PALM2AKAP2: variants seen among roughly 807,000 people sequenced by gnomAD.
PALM2AKAP2 encodes the protein PALM2-AKAP2 fusion protein.
Under a neutral mutation model 71.5 loss-of-function variants are expected in PALM2AKAP2, and 37 were observed. The ratio of observed to expected loss-of-function variants is 0.52; its 90% CI spans 0.40 to 0.68. PALM2AKAP2 has a LOEUF of 0.68. Ranked by LOEUF, PALM2AKAP2 falls within the 30% of genes least tolerant of loss-of-function variation. The pLI, the probability that PALM2AKAP2 is intolerant of heterozygous loss-of-function variation, is 0.00. For missense variants in PALM2AKAP2, 1,224 were observed against 1,191.8 expected, an observed-to-expected ratio of 1.03 and a Z score of -0.40; for synonymous variants, 468 against 478.8, an observed-to-expected ratio of 0.98 and a Z score of 0.29.
chr9:109,787,348 C>G (rs1826998987), intron 1 of PALM2AKAP2, among the ~76,000 whole-genome samples: 1 of 152,192 alleles, frequency 6.6e-6, no homozygotes, highest in African/African-American at 2.4e-5. Flanking sequence ...CAAATCATAA[C>G]TTATGCATCT....
intron 1 of PALM2AKAP2, among the ~76,000 whole-genome samples, chr9:109,760,999 G>A (rs1829043592): frequency 2.0e-5 from 3 of 152,230 alleles, no homozygotes; most frequent in African/African-American, 7.2e-5. Flanking sequence ...CTTTTGGATT[G>A]TCTGTCATTT....
chr9:109,923,616 C>A, intron 3 of PALM2AKAP2, 119 bp from the exon 4 acceptor site: 2 of 1,080,090 alleles, frequency 1.9e-6, no homozygotes, highest in Non-Finnish European at 2.6e-6. Context: ...GGCTCCTCAG[C>A]GTAATGTAAA....
chr9:110,068,451 G>T (rs189438747), intron 1 of PALM2AKAP2, among the ~76,000 whole-genome samples: 1 of 149,322 alleles, frequency 6.7e-6, no homozygotes, highest in East Asian at 1.9e-4. Flanking sequence ...CTCTAGTGGT[G>T]GGTCTGAGGT....
chr9:109,747,281 C>T (rs375479830), intron 1 of PALM2AKAP2, among the ~76,000 whole-genome samples: 4 of 152,120 alleles, frequency 2.6e-5, no homozygotes, highest in African/African-American at 7.2e-5. Context: ...CAGGCCACCA[C>T]GCTGATTTTC....
intron 1 of PALM2AKAP2, among the ~76,000 whole-genome samples, chr9:110,116,581 A>G (rs1019500851): frequency 4.6e-5 from 7 of 152,220 alleles, no homozygotes; most frequent in African/African-American, 9.6e-5. Context: ...AAATTCTTCA[A>G]TGGGATTTTC....
intron 3 of PALM2AKAP2, among the ~76,000 whole-genome samples, chr9:109,900,698 A>C (rs140494255): frequency 6.6e-6 from 1 of 152,330 alleles, no homozygotes; most frequent in African/African-American, 2.4e-5. Context: ...AATGGGAGGC[A>C]AGCCTTTAGA....
At chr9:109,972,455 G>T (rs1301046185) in intron 6 of PALM2AKAP2, among the ~76,000 whole-genome samples, 2 of 152,228 alleles carry the variant, frequency 1.3e-5, no homozygotes, top group African/African-American at 4.8e-5. Flanking sequence ...ATATGGTTTT[G>T]TGGATGAACG....
At chr9:110,035,468 T>TTTG (rs1181383037) in intron 7 of PALM2AKAP2, among the ~76,000 whole-genome samples, 1 of 144,796 alleles carries the variant, frequency 6.9e-6, no homozygotes. Context: ...TATGTATATA[T>TTTG]ATGATATGTT....
chr9:109,778,650 G>A (rs892489146), upstream of PALM2AKAP2, among the ~76,000 whole-genome samples: 2 of 152,198 alleles, frequency 1.3e-5, no homozygotes, highest in African/African-American at 4.8e-5. Context: ...TCCATCTTTG[G>A]TCAGAGGAGT....
chr9:110,099,634 G>T (rs931504749), intron 1 of PALM2AKAP2, among the ~76,000 whole-genome samples: 10 of 152,172 alleles, frequency 6.6e-5, no homozygotes, highest in Non-Finnish European at 1.5e-5. Context: ...TTGCCCCCAG[G>T]GGGTGGAATT....
At chr9:110,150,190 G>T (rs572837809) in intron 2 of PALM2AKAP2, among the ~76,000 whole-genome samples, 5 of 152,374 alleles carry the variant, frequency 3.3e-5, no homozygotes, top group African/African-American at 1.2e-4. Context: ...TCCAGGGAGA[G>T]AGCCTTCAGC....
At position 109,867,667 on chromosome 9, in the gene PALM2AKAP2, C is replaced by T. The variant is rs573169391; in HGVS notation, c.126+96C>T. 2.5e-4 allele frequency: 351 copies of T among 1,396,254 alleles called. No individual in the cohort carries two copies. The Middle Eastern group carries it at 2.8e-3, about 11-fold the overall frequency. 86.5% of individuals were successfully genotyped at this position (1,396,254 alleles called of 1,614,324 possible). ...GCCTGCCCTGCCGTGAAGGCGCTGC[C>T]GCCAACCAAACCAGCCTTTTTCATT... On this transcript the variant is annotated intron_variant, in intron 2 of 9. Transcript: ENST00000302798.
chr9:110,055,242 C>A (rs1833809676), intron 1 of PALM2AKAP2, among the ~76,000 whole-genome samples: 1 of 151,810 alleles, frequency 6.6e-6, no homozygotes, highest in African/African-American at 2.4e-5. Flanking sequence ...GTTGCCCAGG[C>A]TGGAGTGCAG....
intron 1 of PALM2AKAP2, among the ~76,000 whole-genome samples, chr9:109,675,770 A>T (rs1211149347): frequency 6.6e-6 from 1 of 152,210 alleles, no homozygotes; most frequent in African/African-American, 2.4e-5. Context: ...TTCTTAGTCC[A>T]TACTGTCTCC....
chr9:109,930,883 A>G (rs1457977435), intron 5 of PALM2AKAP2, among the ~76,000 whole-genome samples: 1 of 152,210 alleles, frequency 6.6e-6, no homozygotes, highest in Non-Finnish European at 1.5e-5. Context: ...GCCAAGATAG[A>G]GGACAGGAGA....
At chr9:109,919,823 C>A (rs1398020299) in intron 3 of PALM2AKAP2, among the ~76,000 whole-genome samples, 1 of 151,792 alleles carries the variant, frequency 6.6e-6, no homozygotes, top group African/African-American at 2.4e-5. Context: ...ATTATTACCA[C>A]AATAATGCTA....
At chr9:110,013,501 G>T (rs1308202837) in intron 6 of PALM2AKAP2, among the ~76,000 whole-genome samples, 1 of 152,180 alleles carries the variant, frequency 6.6e-6, no homozygotes, top group East Asian at 1.9e-4. Flanking sequence ...ATTCATGTAG[G>T]AGCAAAGATT....
intron 1 of PALM2AKAP2, among the ~76,000 whole-genome samples, chr9:110,076,050 GT>G (rs1312563939): frequency 6.6e-6 from 1 of 151,972 alleles, no homozygotes; most frequent in Non-Finnish European, 1.5e-5. Flanking sequence ...AAATTTGCCA[GT>G]TTTTGCAAAG....
At chr9:109,945,265 A>C (rs1309206360) in intron 6 of PALM2AKAP2, 1 of 151,484 alleles carries the variant, frequency 6.6e-6, no homozygotes, top group Non-Finnish European at 1.5e-5. Context: ...GTTTACACCT[A>C]TACATAAACA....
Sources: gnomAD v4.1 joint callset for allele counts (sites outside exome capture counted in the v4.1 genomes callset) on GRCh38, gnomAD v4.1.1 for gene constraint, MANE v1.5 for transcripts, NCBI Gene and HGNC (gene_info 2026-07-23, HGNC 2026-07-21) for gene names.